KCNA1: variants seen among roughly 807,000 people sequenced by gnomAD.
KCNA1 encodes the protein potassium channel, voltage gated shaker related subfamily A, member 1.
A neutral mutation model predicts 28.8 loss-of-function variants in KCNA1; 19 were observed. The observed-to-expected ratio is 0.66, with a 90% CI of 0.46 to 0.97. The LOEUF is 0.97. Among genes scored for constraint, KCNA1 ranks in the 50% least tolerant of loss-of-function variants. The pLI is 0.00. For synonymous variants in KCNA1, 311 were observed against 268.8 expected (o/e 1.16, Z -1.53); for missense variants, 419 against 659.7 (o/e 0.64, Z 4.00).
chr12:4,911,894 C>A lies in KCNA1; in HGVS notation c.516C>A (p.Val172=), dbSNP rs1346046424. ...GGCCCGCCAGGGTCATCGCCATCGT[C>A]TCCGTCATGGTCATCCTCATCTCCA... is the stretch of plus-strand genomic sequence containing the variant. The part of the protein sequence containing the change: ...SSGPARVIAI[V]SVMVILISIV... Residue 172 remains valine (V), a synonymous_variant, in exon 2 of 2, where the codon GTC becomes GTA. Transcript: ENST00000382545. This position sits in a 1 kb window ranked among gnomAD's most constrained non-coding sequence, Gnocchi z 6.6. 1 of 1,614,100 alleles carries A rather than the reference C, an allele frequency of 6.2e-7. No homozygotes were observed. The highest frequency in any genetic ancestry group is 1.7e-5 in the Admixed American group (1 of 60,028).
rs886049541 is a variant in KCNA1 at position 4,918,140 on chromosome 12, A to G, written c.*5274A>G. ...CAAGGACATTGAATGTTATGAATTG[A>G]GAACCTAATTGATGCGCATAGTTTT... On this transcript the variant is annotated 3_prime_UTR_variant, in exon 2 of 2. Transcript: ENST00000382545. 3.0e-5 allele frequency: 5 copies of G among 167,094 alleles called. No individual in the cohort carries two copies. The highest frequency in any genetic ancestry group is 7.3e-5 in the Non-Finnish European group (5 of 68,124). 10.4% of individuals were successfully genotyped at this position (167,094 alleles called of 1,614,324 possible).
rs1363470430 is a variant in KCNA1 at position 4,911,274 on chromosome 12, G to A, written c.-105G>A. 3 of 817,230 alleles carry A rather than the reference G, an allele frequency of 3.7e-6. No individual in the cohort carries two copies. The highest frequency in any genetic ancestry group is 2.6e-5 in the Admixed American group (1 of 38,830). 50.6% of individuals were successfully genotyped at this position (817,230 alleles called of 1,614,324 possible). ...CTCCCCCTGGGCGTGAGGGAGACGC[G>A]CGCTCCGGTGGGGGGGCCGCTTGGG... On this transcript the variant is annotated 5_prime_UTR_variant, in exon 2 of 2. Transcript: ENST00000382545. The surrounding 1 kb of genome is among the most constrained non-coding windows in gnomAD (Gnocchi z 6.6).
At position 4,912,977 on chromosome 12, in the gene KCNA1, A is replaced by G. The variant is rs1422179590; in HGVS notation, c.*111A>G. 7 of 815,692 alleles carry G rather than the reference A, an allele frequency of 8.6e-6. No homozygotes were observed. The highest frequency in any genetic ancestry group is 1.7e-5 in the African/African-American group (1 of 58,652). The allele number at this position is 815,692 out of a possible 1,614,324, so 50.5% of individuals were successfully genotyped here. A position where few individuals can be genotyped will look rare whatever the true frequency, so the allele number is the denominator to read the frequency against. On this transcript the variant is annotated 3_prime_UTR_variant, in exon 2 of 2. Coordinates refer to ENST00000382545, the MANE Select transcript of KCNA1 (RefSeq NM_000217.3). ...ACGCTTTGTAGATACTTTACTAAGT[A>G]GACTTGGAATGCTCTATTTAACTGT... is the stretch of plus-strand genomic sequence containing the variant.
rs1217463641 is a variant in KCNA1 at position 4,914,815 on chromosome 12, T to G, written c.*1949T>G. 1 of 167,134 alleles carries G rather than the reference T, an allele frequency of 6.0e-6. No individual in the cohort carries two copies. Among genetic ancestry groups the G allele is most frequent in the Non-Finnish European group, 1.5e-5 (1 of 68,174 alleles). The allele number at this position is 167,134 out of a possible 1,614,324, so 10.4% of individuals were successfully genotyped here. On this transcript the variant is annotated 3_prime_UTR_variant, in exon 2 of 2. Transcript: ENST00000382545. ...TGGACATGAACTGTGAACTTGTTTT[T>G]TCCTCTCTCCACCAAAGCCAAGATA...
Position 4,914,793 on chromosome 12 carries a change from A to T in KCNA1, c.*1927A>T, listed in dbSNP as rs7974559. 0.46 allele frequency: 76,928 copies of T among 166,830 alleles called. 18,037 individuals are homozygous for T. The highest frequency in any genetic ancestry group is 0.65 in the Middle Eastern group (192 of 296). The allele number at this position is 166,830 out of a possible 1,614,324, so 10.3% of individuals were successfully genotyped here. A position where few individuals can be genotyped will look rare whatever the true frequency, so the allele number is the denominator to read the frequency against. ...GAACTGAGACCCATCTTTGAACTGG[A>T]CATGAACTGTGAACTTGTTTTTTCC... On this transcript the variant is annotated 3_prime_UTR_variant, in exon 2 of 2. Coordinates refer to ENST00000382545, the MANE Select transcript of KCNA1 (RefSeq NM_000217.3).
chr12:4,914,869 G>C lies in KCNA1; in HGVS notation c.*2003G>C, dbSNP rs947922845. 3.0e-5 allele frequency: 5 copies of C among 167,128 alleles called. No homozygotes were observed. The highest frequency in any genetic ancestry group is 9.7e-5 in the African/African-American group (4 of 41,446). 10.4% of individuals were successfully genotyped at this position (167,128 alleles called of 1,614,324 possible). A position where few individuals can be genotyped will look rare whatever the true frequency, so the allele number is the denominator to read the frequency against. On this transcript the variant is annotated 3_prime_UTR_variant, in exon 2 of 2. Coordinates refer to ENST00000382545, the MANE Select transcript of KCNA1 (RefSeq NM_000217.3). ...TTTTTGGGAATTTGTTTCCTATCGAGGGCCACTTTGGACACACAAGGCTTC... is the reference window on the plus strand; with the variant it reads ...TTTTTGGGAATTTGTTTCCTATCGACGGCCACTTTGGACACACAAGGCTTC...
In KCNA1 at chr12:4,911,276, G is replaced by A. The variant is rs1049379872; in HGVS notation, c.-103G>A. On this transcript the variant is annotated 5_prime_UTR_variant, in exon 2 of 2. Coordinates refer to ENST00000382545, the MANE Select transcript of KCNA1 (RefSeq NM_000217.3). This position sits in a 1 kb window ranked among gnomAD's most constrained non-coding sequence, Gnocchi z 6.6. The stretch of plus-strand genomic sequence containing the variant: ...CCCCCTGGGCGTGAGGGAGACGCGC[G>A]CTCCGGTGGGGGGGCCGCTTGGGTC... 3 of 832,486 alleles carry A rather than the reference G, an allele frequency of 3.6e-6. No homozygotes were observed. Among genetic ancestry groups the A allele is most frequent in the African/African-American group, 3.4e-5 (2 of 58,300 alleles). The allele number at this position is 832,486 out of a possible 1,614,324, so 51.6% of individuals were successfully genotyped here. A position where few individuals can be genotyped will look rare whatever the true frequency, so the allele number is the denominator to read the frequency against.
At position 4,918,208 on chromosome 12, in the gene KCNA1, T is replaced by G. The variant is rs1291855995; in HGVS notation, c.*5342T>G. The stretch of plus-strand genomic sequence containing the variant: ...TTGCTTCTGTCACTTTACGATCTGT[T>G]CATATTTGGCATCAATTAAAGATAC... On this transcript the variant is annotated 3_prime_UTR_variant, in exon 2 of 2. Transcript: ENST00000382545. 6.0e-6 allele frequency: 1 copy of G among 167,106 alleles called. No homozygotes were observed. The highest frequency in any genetic ancestry group is 1.5e-5 in the Non-Finnish European group (1 of 68,118). 10.4% of individuals were successfully genotyped at this position (167,106 alleles called of 1,614,324 possible). A position where few individuals can be genotyped will look rare whatever the true frequency, so the allele number is the denominator to read the frequency against.
chr12:4,911,563 T>A lies in KCNA1; in HGVS notation c.185T>A (p.Leu62Gln). ...LKTLAQFPNT[L>Q]LGNPKKRMRY... is the part of the protein sequence containing the mutation. Reference sequence around the variant, plus strand: ...ACCCTGGCGCAGTTCCCCAACACGCTGCTGGGCAACCCTAAGAAACGCATG... The same window carrying A: ...ACCCTGGCGCAGTTCCCCAACACGCAGCTGGGCAACCCTAAGAAACGCATG... Residue 62 changes from leucine (L) to glutamine (Q), a missense_variant, in exon 2 of 2, where the codon CTG (leucine) becomes CAG (glutamine). By Grantham distance (113) the Leu-to-Gln change is moderately radical. This residue lies in a region of KCNA1 where 217 missense variants were observed against 329.6 expected (regional missense o/e 0.66). Coordinates refer to ENST00000382545, the MANE Select transcript of KCNA1 (RefSeq NM_000217.3). This position sits in a 1 kb window ranked among gnomAD's most constrained non-coding sequence, Gnocchi z 6.6. 1 of 1,614,170 alleles carries A rather than the reference T, an allele frequency of 6.2e-7. No individual in the cohort carries two copies. Among genetic ancestry groups the A allele is most frequent in the Non-Finnish European group, 8.5e-7 (1 of 1,180,030 alleles).
rs1413254366 is a variant in KCNA1, at chr12:4,917,393, T to C, written c.*4527T>C. 1 of 167,110 alleles carries C rather than the reference T, an allele frequency of 6.0e-6. No individual in the cohort carries two copies. The highest frequency in any genetic ancestry group is 6.5e-5 in the Admixed American group (1 of 15,286). The allele number at this position is 167,110 out of a possible 1,614,324, so 10.4% of individuals were successfully genotyped here. ...TTTAAAGAATGTATGTTACTTACCA[T>C]TTTTGTAAAGAAGCAAACAGGAGCT... On this transcript the variant is annotated 3_prime_UTR_variant, in exon 2 of 2. Coordinates refer to ENST00000382545, the MANE Select transcript of KCNA1 (RefSeq NM_000217.3).
Position 4,911,749 on chromosome 12 carries a change from A to G in KCNA1, c.371A>G (p.Glu124Gly). The G allele has an allele frequency of 6.2e-7, 1 of 1,614,068 alleles. No homozygotes were observed. The highest frequency in any genetic ancestry group is 8.5e-7 in the Non-Finnish European group (1 of 1,180,018). ...SEEIKFYELG[E>G]EAMEKFREDE... ...GAGATCAAGTTTTACGAGTTGGGCG[A>G]GGAGGCCATGGAGAAGTTCCGGGAG... The change falls in exon 2 of 2, where the codon GAG (glutamate) becomes GGG (glycine). Residue 124 changes from glutamate to glycine, a missense_variant. By Grantham distance (98) the Glu-to-Gly change is moderately conservative (BLOSUM62 -2). Coordinates refer to ENST00000382545, the MANE Select transcript of KCNA1 (RefSeq NM_000217.3). This position sits in a 1 kb window ranked among gnomAD's most constrained non-coding sequence, Gnocchi z 6.6.
In KCNA1 at chr12:4,914,196, A is replaced by G. The variant is rs1480093183; in HGVS notation, c.*1330A>G. 1 of 167,078 alleles carries G rather than the reference A, an allele frequency of 6.0e-6. No individual in the cohort carries two copies. The highest frequency in any genetic ancestry group is 1.5e-5 in the Non-Finnish European group (1 of 68,126). 10.3% of individuals were successfully genotyped at this position (167,078 alleles called of 1,614,324 possible). Reference sequence around the variant, plus strand: ...AGGCGGAGAGAGGACCAATATGCCCATCCCTTAAAGGGAAGCCATGTGAAA... The same window carrying G: ...AGGCGGAGAGAGGACCAATATGCCCGTCCCTTAAAGGGAAGCCATGTGAAA... On this transcript the variant is annotated 3_prime_UTR_variant, in exon 2 of 2. Transcript: ENST00000382545.
chr12:4,910,063 C>A lies in KCNA1; in HGVS notation c.-949C>A, dbSNP rs868581746. ...GTAGATCCAGGCTCTCGCCCGCCCG[C>A]CTCCTTCGGGATCGAATCAAGGGCT... On this transcript the variant is annotated 5_prime_UTR_variant, in exon 1 of 2. Transcript: ENST00000382545. The surrounding 1 kb of genome is among the most constrained non-coding windows in gnomAD (Gnocchi z 4.9). The A allele has an allele frequency of 4.7e-4, 72 of 152,820 alleles. No individual in the cohort carries two copies. Among genetic ancestry groups the A allele is most frequent in the African/African-American group, 1.6e-3 (67 of 41,576 alleles). The allele number at this position is 152,820 out of a possible 1,614,324, so 9.5% of individuals were successfully genotyped here.
rs1334133402 is a variant in KCNA1, at chr12:4,914,975, G to C, written c.*2109G>C. On this transcript the variant is annotated 3_prime_UTR_variant, in exon 2 of 2. Coordinates refer to ENST00000382545, the MANE Select transcript of KCNA1 (RefSeq NM_000217.3). ...ACAGCACTTTGCAAATCTCTCTGAC[G>C]GTCCAGTCTTTTCAGGCATTGTTGT... The C allele has an allele frequency of 6.0e-6, 1 of 167,066 alleles. No homozygotes were observed. The highest frequency in any genetic ancestry group is 1.5e-5 in the Non-Finnish European group (1 of 68,200). 10.3% of individuals were successfully genotyped at this position (167,066 alleles called of 1,614,324 possible).
In KCNA1 at chr12:4,911,416, C is replaced by T. The variant is rs1253210703; in HGVS notation, c.38C>T (p.Ser13Leu). The change falls in exon 2 of 2, where the codon TCG becomes TTG. Residue 13 changes from serine (S) to leucine (L), a missense_variant. Ser to Leu is a moderately radical substitution (Grantham distance 145). Transcript: ENST00000382545. The surrounding 1 kb of genome is among the most constrained non-coding windows in gnomAD (Gnocchi z 6.6). The part of the protein sequence containing the change: ...VMSGENVDEA[S>L]AAPGHPQDGS... ...TCTGGGGAGAACGTGGACGAGGCTTCGGCCGCCCCGGGCCACCCCCAGGAT... is the reference window on the plus strand; with the variant it reads ...TCTGGGGAGAACGTGGACGAGGCTTTGGCCGCCCCGGGCCACCCCCAGGAT... The T allele has an allele frequency of 8.7e-6, 14 of 1,613,066 alleles. 1 individual carries two copies. Among genetic ancestry groups the T allele is most frequent in the Middle Eastern group, 3.3e-4 (2 of 6,064 alleles).
Position 4,911,339 on chromosome 12 carries a change from G to C in KCNA1, c.-40G>C. 6.3e-7 allele frequency: 1 copy of C among 1,599,790 alleles called. No homozygotes were observed. Among genetic ancestry groups the C allele is most frequent in the Non-Finnish European group, 8.5e-7 (1 of 1,174,158 alleles). On this transcript the variant is annotated 5_prime_UTR_variant, in exon 2 of 2. Coordinates refer to ENST00000382545, the MANE Select transcript of KCNA1 (RefSeq NM_000217.3). The surrounding 1 kb of genome is among the most constrained non-coding windows in gnomAD (Gnocchi z 6.6). ...GGTCCCTGGCTGCTTCCCACCCCGG[G>C]CTCTCTCCTGGCCTCCCACCCCCGC...
rs1304503648 is a variant in KCNA1, at chr12:4,911,741, G to C, written c.363G>C (p.Glu121Asp). Residue 121 changes from glutamate to aspartate, a missense_variant, in exon 2 of 2, where the codon GAG (glutamate) becomes GAC (aspartate). This residue lies in a region of KCNA1 where 217 missense variants were observed against 329.6 expected (regional missense o/e 0.66). Transcript: ENST00000382545. The surrounding 1 kb of genome is among the most constrained non-coding windows in gnomAD (Gnocchi z 6.6). The stretch of plus-strand genomic sequence containing the variant: ...TCTCCGAGGAGATCAAGTTTTACGA[G>C]TTGGGCGAGGAGGCCATGGAGAAGT... ...DMFSEEIKFYELGEEAMEKFR... is the reference protein window; with the variant it reads ...DMFSEEIKFYDLGEEAMEKFR... 1 of 1,614,040 alleles carries C rather than the reference G, an allele frequency of 6.2e-7. No individual in the cohort carries two copies. The highest frequency in any genetic ancestry group is 8.5e-7 in the Non-Finnish European group (1 of 1,180,042).
In KCNA1 at chr12:4,911,384, G is replaced by C; in HGVS notation, c.6G>C (p.Thr2=). 6.2e-7 allele frequency: 1 copy of C among 1,611,578 alleles called. No individual in the cohort carries two copies. Among genetic ancestry groups the C allele is most frequent in the Non-Finnish European group, 8.5e-7 (1 of 1,179,514 alleles). M[T]VMSGENVDEA... The stretch of plus-strand genomic sequence containing the variant: ...CCCCGCGCCCGGCTTCCACCATGAC[G>C]GTGATGTCTGGGGAGAACGTGGACG... Residue 2 remains threonine, a synonymous_variant, in exon 2 of 2, where the codon ACG becomes ACC. Transcript: ENST00000382545. This position sits in a 1 kb window ranked among gnomAD's most constrained non-coding sequence, Gnocchi z 6.6.
At position 4,912,607 on chromosome 12, in the gene KCNA1, A is replaced by C; in HGVS notation, c.1229A>C (p.Asn410Thr). The change falls in exon 2 of 2, where the codon AAT becomes ACT. Residue 410 changes from asparagine (N) to threonine (T), a missense_variant. This residue lies in a region of KCNA1 where 54 missense variants were observed against 186.4 expected (regional missense o/e 0.29). Coordinates refer to ENST00000382545, the MANE Select transcript of KCNA1 (RefSeq NM_000217.3). Reference protein sequence around the residue: ...IALPVPVIVSNFNYFYHRETE... With the variant: ...IALPVPVIVSTFNYFYHRETE... ...CTGCCCGTACCTGTCATTGTGTCCA[A>C]TTTCAACTATTTCTACCACCGAGAA... is the stretch of plus-strand genomic sequence containing the variant. 6.2e-7 allele frequency: 1 copy of C among 1,609,562 alleles called. No homozygotes were observed. The highest frequency in any genetic ancestry group is 8.5e-7 in the Non-Finnish European group (1 of 1,178,436).
Sources: gnomAD v4.1 joint callset for allele counts on GRCh38, gnomAD v4.1.1 for gene constraint, gnomAD v4.1.1 regional missense constraint, Gnocchi (gnomAD v3.1) non-coding constraint, MANE v1.5 for transcripts, NCBI Gene and HGNC (gene_info 2026-07-23, HGNC 2026-07-21) for gene names.